The following ADAM10 variants were observed in gnomAD, a reference collection of about 807,000 sequenced individuals.
The protein encoded by ADAM10 is ADAM metallopeptidase domain 10.
ADAM10 carries 17 observed loss-of-function variants against 90.1 expected under a neutral mutation model. The observed-to-expected ratio is 0.19, with a 90% CI of 0.13 to 0.28. ADAM10 has a LOEUF of 0.28. Ranked by LOEUF, ADAM10 falls within the 10% of genes least tolerant of loss-of-function variation. The pLI, the probability that ADAM10 is intolerant of heterozygous loss-of-function variation, is 1.00. For missense variants in ADAM10, 610 were observed against 914.3 expected, an observed-to-expected ratio of 0.67 and a Z score of 4.29; for synonymous variants, 310 against 298.6, an observed-to-expected ratio of 1.04 and a Z score of -0.40.
At chr15:58,640,145 AT>A (rs1896376816) in intron 8 of ADAM10, among the ~76,000 whole-genome samples, 1 of 152,232 alleles carries the variant, frequency 6.6e-6, no homozygotes, top group Non-Finnish European at 1.5e-5. Context: ...CCATCCCAAC[AT>A]TATCAATGAC....
chr15:58,731,224 C>T (rs145341454), intron 1 of ADAM10, among the ~76,000 whole-genome samples: 61 of 152,200 alleles, frequency 4.0e-4, no homozygotes, highest in African/African-American at 1.4e-3. Context: ...TTCCAAAAGA[C>T]AAAACCTGAA....
At chr15:58,681,923 G>A (rs1228379582) in intron 3 of ADAM10, among the ~76,000 whole-genome samples, 3 of 152,022 alleles carry the variant, frequency 2.0e-5, no homozygotes, top group South Asian at 2.1e-4. Flanking sequence ...TACAGAAGTC[G>A]TTAAAACTTT....
At chr15:58,674,513 G>C (rs796860116) in intron 4 of ADAM10, among the ~76,000 whole-genome samples, 34 of 152,278 alleles carry the variant, frequency 2.2e-4, no homozygotes, top group African/African-American at 7.7e-4. Context: ...TTCTAAAACA[G>C]TTTTCCTGTT....
At chr15:58,719,859 C>A (rs1396359390) in intron 1 of ADAM10, among the ~76,000 whole-genome samples, 1 of 152,172 alleles carries the variant, frequency 6.6e-6, no homozygotes, top group Non-Finnish European at 1.5e-5. Context: ...TTAAGACTCA[C>A]AGATTAAATG....
chr15:58,623,820 G>C (rs1183197832), intron 10 of ADAM10, among the ~76,000 whole-genome samples: 1 of 152,110 alleles, frequency 6.6e-6, no homozygotes, highest in African/African-American at 2.4e-5. Context: ...TCCAGGGGTA[G>C]AAGGTGAGGG....
chr15:58,705,912 C>T (rs1050037015), intron 2 of ADAM10, among the ~76,000 whole-genome samples: 6 of 152,130 alleles, frequency 3.9e-5, no homozygotes, highest in Non-Finnish European at 8.8e-5. Flanking sequence ...TTGTTAATCC[C>T]TTACTGTACC....
At chr15:58,668,622 C>G (rs1186484278) in intron 4 of ADAM10, among the ~76,000 whole-genome samples, 1 of 152,046 alleles carries the variant, frequency 6.6e-6, no homozygotes, top group African/African-American at 2.4e-5. Flanking sequence ...CTAAATCTCC[C>G]TAAAGCTCCC....
At chr15:58,664,249 A>G (rs1897029471) in intron 5 of ADAM10, among the ~76,000 whole-genome samples, 1 of 152,018 alleles carries the variant, frequency 6.6e-6, no homozygotes, top group Non-Finnish European at 1.5e-5. Flanking sequence ...ATATCATCCT[A>G]TACTTAACCC....
At position 58,595,608 on chromosome 15, in the gene ADAM10, GA is replaced by G. The variant is rs1192224199; in HGVS notation, c.*1938del. ...ACCACATCTTGATTCGCAGTGGAAAGAGTTCAGTGCATGTATCTCTTTTCAG... is the reference window on the plus strand; with the variant it reads ...ACCACATCTTGATTCGCAGTGGAAAGGTTCAGTGCATGTATCTCTTTTCAG... On this transcript the variant is annotated 3_prime_UTR_variant, in exon 16 of 16. Coordinates refer to ENST00000260408, the MANE Select transcript of ADAM10 (RefSeq NM_001110.4). 3 of 152,118 alleles carry G rather than the reference GA, an allele frequency of 2.0e-5. No individual in the cohort carries two copies. The highest frequency in any genetic ancestry group is 4.4e-5 in the Non-Finnish European group (3 of 67,988). 9.4% of individuals were successfully genotyped at this position (152,118 alleles called of 1,614,324 possible).
At chr15:58,668,988 A>G (rs1401776499) in intron 4 of ADAM10, among the ~76,000 whole-genome samples, 1 of 152,202 alleles carries the variant, frequency 6.6e-6, no homozygotes, top group Non-Finnish European at 1.5e-5. Context: ...TAACTGCTTT[A>G]CAGATTGACT....
chr15:58,688,782 A>ATCTC (rs1164846744), intron 2 of ADAM10, among the ~76,000 whole-genome samples: 1 of 129,118 alleles, frequency 7.7e-6, no homozygotes, highest in African/African-American at 3.5e-5. Context: ...ATATATATAT[A>ATCTC]TATATCTCTC....
intron 1 of ADAM10, among the ~76,000 whole-genome samples, chr15:58,742,397 A>G (rs1382375968): frequency 2.0e-5 from 3 of 152,204 alleles, no homozygotes; most frequent in African/African-American, 2.4e-5. Flanking sequence ...TCACCATCAC[A>G]AAGTTGAAAA....
At chr15:58,732,708 C>CA (rs35121031) in intron 1 of ADAM10, 25,419 of 86,668 alleles carry the variant, frequency 0.29, 2,737 homozygotes, top group East Asian at 0.52. Flanking sequence ...GACTCCATCT[C>CA]AAAAAAAAAA....
At chr15:58,623,832 A>C (rs1208441084) in intron 10 of ADAM10, among the ~76,000 whole-genome samples, 1 of 152,106 alleles carries the variant, frequency 6.6e-6, no homozygotes, top group Non-Finnish European at 1.5e-5. Flanking sequence ...AGGTGAGGGG[A>C]GGGAGCGCAT....
intron 12 of ADAM10, 26 bp from the exon 13 acceptor site, chr15:58,611,133 G>T (rs1047651457): frequency 1.9e-6 from 3 of 1,543,482 alleles, no homozygotes; most frequent in Non-Finnish European, 2.7e-6. Flanking sequence ...AAGACAAATT[G>T]TTTAATCCCT....
At position 58,749,654 on chromosome 15, in the gene ADAM10, G is replaced by C. The variant is rs1899917228; in HGVS notation, c.-120C>G. Reference sequence around the variant, plus strand: ...TCCACGGGAAGCCGGGACCTCCCCTGGCAGGAGAAACGGCGAAGCACCTCC... The same window carrying C: ...TCCACGGGAAGCCGGGACCTCCCCTCGCAGGAGAAACGGCGAAGCACCTCC... On this transcript the variant is annotated 5_prime_UTR_variant, in exon 1 of 16. Transcript: ENST00000260408. The C allele has an allele frequency of 6.7e-7, 1 of 1,500,934 alleles. No homozygotes were observed. Among genetic ancestry groups the C allele is most frequent in the Non-Finnish European group, 9.0e-7 (1 of 1,116,722 alleles). 93.0% of individuals were successfully genotyped at this position (1,500,934 alleles called of 1,614,324 possible). A position where few individuals can be genotyped will look rare whatever the true frequency, so the allele number is the denominator to read the frequency against.
chr15:58,711,049 C>T (rs565231159), intron 2 of ADAM10, among the ~76,000 whole-genome samples: 1 of 152,296 alleles, frequency 6.6e-6, no homozygotes, highest in African/African-American at 2.4e-5. Context: ...GAACTCAAAT[C>T]CCAAACCACA....
At chr15:58,738,688 T>C (rs1899508353) in intron 1 of ADAM10, among the ~76,000 whole-genome samples, 1 of 152,214 alleles carries the variant, frequency 6.6e-6, no homozygotes, top group Admixed American at 6.5e-5. Context: ...ACACGAATGA[T>C]TAAAATCTAT....
In ADAM10 at chr15:58,611,883, T is replaced by G. The variant is rs749745209; in HGVS notation, c.1620A>C (p.Thr540=). ...TAGGGTCAGATGCTGGGCAGAGAGCTGTGAAGCCATTACATATTCCTTCCC... is the reference window on the plus strand; with the variant it reads ...TAGGGTCAGATGCTGGGCAGAGAGCGGTGAAGCCATTACATATTCCTTCCC... ...CAREGICNGF[T]ALCPASDPKP... is the part of the protein sequence containing the mutation. The change falls in exon 12 of 16, where the codon ACA becomes ACC. Residue 540 remains threonine (T), a synonymous_variant. Coordinates refer to ENST00000260408, the MANE Select transcript of ADAM10 (RefSeq NM_001110.4). The G allele has an allele frequency of 1.9e-6, 3 of 1,614,108 alleles. No individual in the cohort carries two copies. Among genetic ancestry groups the G allele is most frequent in the Non-Finnish European group, 2.5e-6 (3 of 1,180,042 alleles).
Sources: allele counts gnomAD v4.1 joint callset (sites outside exome capture counted in the v4.1 genomes callset), GRCh38; gene constraint gnomAD v4.1.1; transcripts MANE v1.5; gene names NCBI Gene and HGNC (gene_info 2026-07-23, HGNC 2026-07-21).